The following NFKBIA variants were observed in gnomAD, a reference collection of about 807,000 sequenced individuals.
The protein encoded by NFKBIA is NFKB inhibitor alpha, also known as NF-kappa-B inhibitor alpha.
Under a neutral mutation model 36.3 loss-of-function variants are expected in NFKBIA, and 10 were observed. The observed-to-expected ratio is 0.28, with a 90% CI of 0.17 to 0.47. The LOEUF (loss-of-function observed/expected upper bound fraction) is 0.47, where lower values mean the gene tolerates loss of function less well. Ranked by LOEUF, NFKBIA falls within the 20% of genes least tolerant of loss-of-function variation. The probability of loss-of-function intolerance (pLI) is 0.99; values close to 1 mark genes in which losing one functional copy is unlikely to be tolerated. For missense variants in NFKBIA, 355 were observed against 399.3 expected, an observed-to-expected ratio of 0.89 and a Z score of 0.94; for synonymous variants, 205 against 164.4, an observed-to-expected ratio of 1.25 and a Z score of -1.89.
intron 1 of NFKBIA, 31 bp from the exon 2 acceptor site, chr14:35,403,829 G>T: frequency 6.5e-7 from 1 of 1,537,510 alleles, no homozygotes; most frequent in Non-Finnish European, 9.0e-7. Context: ...AACCCCAGGG[G>T]TGGTGAGTGC....
At chr14:35,402,270 G>A in intron 5 of NFKBIA, 124 bp downstream of exon 5, 2 of 1,067,032 alleles carry the variant, frequency 1.9e-6, no homozygotes, top group Non-Finnish European at 2.8e-6. Context: ...TACTGGTTAT[G>A]CACAGAAATT....
Position 35,402,440 on chromosome 14 carries a change from T to C in NFKBIA, c.860A>G (p.Glu287Gly). The change falls in exon 5 of 6, where the codon GAG (glutamate) becomes GGG (glycine). Residue 287 changes from glutamate to glycine, a missense_variant. Transcript: ENST00000216797. ...LQMLPESEDE[E>G]SYDTESEFTE... ...GAACTCTGACTCTGTGTCATAGCTC[T>C]CCTCATCCTCACTCTCTGGCAGCAT... 3.1e-6 allele frequency: 5 copies of C among 1,614,194 alleles called. No homozygotes were observed. The highest frequency in any genetic ancestry group is 4.2e-6 in the Non-Finnish European group (5 of 1,180,016).
chr14:35,401,526 G>C lies in NFKBIA; in HGVS notation c.*487C>G, dbSNP rs1029829924. The stretch of plus-strand genomic sequence containing the variant: ...CAGGATAACTCATTTGTAAAAATCT[G>C]TTTAATAAATATACATCATAAAAGT... On this transcript the variant is annotated 3_prime_UTR_variant, in exon 6 of 6. Coordinates refer to ENST00000216797, the MANE Select transcript of NFKBIA (RefSeq NM_020529.3). The C allele has an allele frequency of 1.9e-5, 4 of 208,790 alleles. No homozygotes were observed. The highest frequency in any genetic ancestry group is 3.9e-5 in the Non-Finnish European group (4 of 101,516). The allele number at this position is 208,790 out of a possible 1,614,324, so 12.9% of individuals were successfully genotyped here. A position where few individuals can be genotyped will look rare whatever the true frequency, so the allele number is the denominator to read the frequency against.
At position 35,403,119 on chromosome 14, in the gene NFKBIA, G is replaced by A. The variant is rs369989069; in HGVS notation, c.547+31C>T. ...TTCTCCACGTCACCTGCCCTCCGAG[G>A]GGGTGGGGCAGGGCAGGGAGGCAGA... is the stretch of plus-strand genomic sequence containing the variant. On this transcript the variant is annotated intron_variant, in intron 3 of 5. Transcript: ENST00000216797. 1.6e-5 allele frequency: 25 copies of A among 1,598,728 alleles called. No individual in the cohort carries two copies. In the African/African-American group the frequency reaches 2.7e-4, roughly 17 times the overall value.
At position 35,404,433 on chromosome 14, in the gene NFKBIA, G is replaced by C. The variant is rs1178195524; in HGVS notation, c.212C>G (p.Thr71Ser). ...RGSEPWKQQL[T>S]EDGDSFLHLA... ...CGCCACTTACGAGTCCCCGTCCTCG[G>C]TGAGCTGCTGCTTCCAGGGCTCCGA... is the stretch of plus-strand genomic sequence containing the variant. Residue 71 changes from threonine to serine, a missense_variant, in exon 1 of 6, where the codon ACC becomes AGC. Thr to Ser is a moderately conservative substitution (Grantham distance 58, BLOSUM62 1). Coordinates refer to ENST00000216797, the MANE Select transcript of NFKBIA (RefSeq NM_020529.3). 1 of 1,586,212 alleles carries C rather than the reference G, an allele frequency of 6.3e-7. No homozygotes were observed. Among genetic ancestry groups the C allele is most frequent in the African/African-American group, 1.4e-5 (1 of 72,714 alleles).
chr14:35,404,686 C>CGCGGGCT lies in NFKBIA; in HGVS notation c.-49_-43dup, dbSNP rs2052772605. 6.1e-6 allele frequency: 8 copies of CGCGGGCT among 1,312,446 alleles called. No individual in the cohort carries two copies. Among genetic ancestry groups the CGCGGGCT allele is most frequent in the East Asian group, 3.1e-5 (1 of 32,240 alleles). 81.3% of individuals were successfully genotyped at this position (1,312,446 alleles called of 1,614,324 possible). On this transcript the variant is annotated 5_prime_UTR_variant, in exon 1 of 6. Coordinates refer to ENST00000216797, the MANE Select transcript of NFKBIA (RefSeq NM_020529.3). ...GGGCGCTGCTGCGGGTGCGCTGGGC[C>CGCGGGCT]GCGGGCTGCGCGCTGCTTCCTCGCT...
At chr14:35,404,031 G>A (rs898197324) in intron 1 of NFKBIA, 1 of 550,270 alleles carries the variant, frequency 1.8e-6, no homozygotes, top group Non-Finnish European at 3.3e-6. Context: ...CCTCCCGCCA[G>A]CTCGGAACGC....
intron 1 of NFKBIA, 84 bp from the exon 2 acceptor site, chr14:35,403,882 C>T: frequency 9.8e-7 from 1 of 1,018,306 alleles, no homozygotes; most frequent in Admixed American, 2.0e-5. Context: ...GGGGATTGCG[C>T]AAGGCCGGGG....
chr14:35,402,617 T>C lies in NFKBIA; in HGVS notation c.683A>G (p.Gln228Arg). 1.9e-6 allele frequency: 3 copies of C among 1,614,258 alleles called. No homozygotes were observed. Among genetic ancestry groups the C allele is most frequent in the Non-Finnish European group, 2.5e-6 (3 of 1,180,042 alleles). ...RTALHLAVDL[Q>R]NPDLVSLLLK... ...CAGGAGTGACACCAGGTCAGGATTT[T>C]GCAGGTCCACTGCGAGGTGAAGGGC... is the stretch of plus-strand genomic sequence containing the variant. The change falls in exon 5 of 6, where the codon CAA becomes CGA. Residue 228 changes from glutamine (Q) to arginine (R), a missense_variant. By Grantham distance (43) the Gln-to-Arg change is conservative. Coordinates refer to ENST00000216797, the MANE Select transcript of NFKBIA (RefSeq NM_020529.3).
chr14:35,404,741 GA>G lies in NFKBIA; in HGVS notation c.-98del. 1.2e-6 allele frequency: 1 copy of G among 833,426 alleles called. No individual in the cohort carries two copies. The highest frequency in any genetic ancestry group is 1.7e-6 in the Non-Finnish European group (1 of 604,854). 51.6% of individuals were successfully genotyped at this position (833,426 alleles called of 1,614,324 possible). On this transcript the variant is annotated 5_prime_UTR_variant, in exon 1 of 6. Transcript: ENST00000216797. ...CGCTGGCGGGCGGGACGGCGGCACG[GA>G]CTGCTGTGGGCTCTGCAGCGCCGCC...
rs537319377 is a variant in NFKBIA, at chr14:35,402,168, A to G, written c.907-108T>C. The G allele has an allele frequency of 4.5e-6, 6 of 1,348,048 alleles. No individual in the cohort carries two copies. In the Admixed American group the frequency reaches 8.5e-5, roughly 19 times the overall value. The allele number at this position is 1,348,048 out of a possible 1,614,324, so 83.5% of individuals were successfully genotyped here. ...AAATAACTCTTGGACTCCATTCTCC[A>G]TAGCCCAAATATAATGAACTTTACA... On this transcript the variant is annotated intron_variant, in intron 5 of 5. Coordinates refer to ENST00000216797, the MANE Select transcript of NFKBIA (RefSeq NM_020529.3).
At position 35,403,571 on chromosome 14, in the gene NFKBIA, G is replaced by A. The variant is rs1049866472; in HGVS notation, c.336+119C>T. Reference sequence around the variant, plus strand: ...TCTCTAGGATGTGGGCTGATGTGAAGTAAAAGGTGAGGGTAAATAGTGCTC... The same window carrying A: ...TCTCTAGGATGTGGGCTGATGTGAAATAAAAGGTGAGGGTAAATAGTGCTC... On this transcript the variant is annotated intron_variant, in intron 2 of 5. Coordinates refer to ENST00000216797, the MANE Select transcript of NFKBIA (RefSeq NM_020529.3). 4.5e-6 allele frequency: 4 copies of A among 895,420 alleles called. No individual in the cohort carries two copies. In the African/African-American group the frequency reaches 4.9e-5, roughly 11 times the overall value. 55.5% of individuals were successfully genotyped at this position (895,420 alleles called of 1,614,324 possible).
intron 1 of NFKBIA, 66 bp downstream of exon 1, chr14:35,404,352 C>G (rs2052765650): frequency 5.1e-4 from 368 of 716,756 alleles, no homozygotes; most frequent in Non-Finnish European, 6.8e-4. Context: ...CCCGGCGCCT[C>G]CCACCCCCAG....
In NFKBIA at chr14:35,401,932, CTTCTTTT is replaced by C. The variant is rs2052730225; in HGVS notation, c.*74_*80del. The C allele has an allele frequency of 7.0e-6, 9 of 1,294,522 alleles. No individual in the cohort carries two copies. Among genetic ancestry groups the C allele is most frequent in the East Asian group, 4.2e-5 (1 of 23,952 alleles). 80.2% of individuals were successfully genotyped at this position (1,294,522 alleles called of 1,614,324 possible). On this transcript the variant is annotated 3_prime_UTR_variant, in exon 6 of 6. Transcript: ENST00000216797. ...TATAAGTACACCCTTTAAATTTTTTCTTCTTTTTTCTTTTTTTAGAAAAATAAAACTT... is the reference window on the plus strand; with the variant it reads ...TATAAGTACACCCTTTAAATTTTTTCTTCTTTTTTTAGAAAAATAAAACTT...
At chr14:35,403,843 G>T in intron 1 of NFKBIA, 45 bp from the exon 2 acceptor site, 2 of 1,437,314 alleles carry the variant, frequency 1.4e-6, no homozygotes, top group Non-Finnish European at 1.9e-6. Flanking sequence ...TGAGTGCACC[G>T]CGTGGGGCCC....
Position 35,403,371 on chromosome 14 carries a change from A to C in NFKBIA, c.337-11T>G. On this transcript the variant is annotated splice_polypyrimidine_tract_variant and intron_variant, in intron 2 of 5. Coordinates refer to ENST00000216797, the MANE Select transcript of NFKBIA (RefSeq NM_020529.3). ...CAAGTGGAGTGGAGTCTACGAATGC[A>C]AGAGAGACCAGAGAAAGTAAGCCAT... 1.2e-6 allele frequency: 2 copies of C among 1,613,690 alleles called. No homozygotes were observed.
rs973915095 is a variant in NFKBIA at position 35,404,666 on chromosome 14, C to G, written c.-22G>C. The G allele has an allele frequency of 2.1e-6, 3 of 1,447,152 alleles. No individual in the cohort carries two copies. Among genetic ancestry groups the G allele is most frequent in the Non-Finnish European group, 2.7e-6 (3 of 1,095,550 alleles). 89.6% of individuals were successfully genotyped at this position (1,447,152 alleles called of 1,614,324 possible). A position where few individuals can be genotyped will look rare whatever the true frequency, so the allele number is the denominator to read the frequency against. On this transcript the variant is annotated 5_prime_UTR_variant, in exon 1 of 6. Transcript: ENST00000216797. ...ACATGGCGCGGACGAGCTGCGGGCGCTGCTGCGGGTGCGCTGGGCCGCGGG... is the reference window on the plus strand; with the variant it reads ...ACATGGCGCGGACGAGCTGCGGGCGGTGCTGCGGGTGCGCTGGGCCGCGGG...
chr14:35,403,466 G>C (rs1012441841), intron 2 of NFKBIA, 106 bp from the exon 3 acceptor site: 13 of 1,289,522 alleles, frequency 1.0e-5, no homozygotes, highest in South Asian at 1.2e-5. Context: ...TCCTAGACAG[G>C]GGGGTGGGGA....
Position 35,401,808 on chromosome 14 carries a change from G to T in NFKBIA, c.*205C>A. ...AAAGAAGTTTTCTCAGAATTTCAAT[G>T]ATCTTTCTCGTCCCCTACAAAAAGT... On this transcript the variant is annotated 3_prime_UTR_variant, in exon 6 of 6. Transcript: ENST00000216797. 2 of 601,812 alleles carry T rather than the reference G, an allele frequency of 3.3e-6. No individual in the cohort carries two copies. Among genetic ancestry groups the T allele is most frequent in the East Asian group, 2.8e-5 (1 of 35,492 alleles). The allele number at this position is 601,812 out of a possible 1,614,324, so 37.3% of individuals were successfully genotyped here.
Sources: allele counts gnomAD v4.1 joint callset, GRCh38; gene constraint gnomAD v4.1.1; transcripts MANE v1.5; gene names NCBI Gene and HGNC (gene_info 2026-07-23, HGNC 2026-07-21).